Variants in RNF24 observed in about 807,000 individuals in gnomAD.
RNF24 encodes the protein ring finger protein 24.
RNF24 carries 14 observed loss-of-function variants against 20.0 expected under a neutral mutation model. The ratio of observed to expected loss-of-function variants is 0.70; its 90% CI spans 0.46 to 1.10. RNF24 has a LOEUF of 1.10. RNF24 is among the 50% of genes least tolerant of loss of function. RNF24 has a pLI of 0.00. For missense variants in RNF24, 124 were observed against 177.6 expected (o/e 0.70, Z 1.71); for synonymous variants, 45 against 61.1 (o/e 0.74, Z 1.23).
Position 3,932,932 on chromosome 20 carries a change from T to C in RNF24, c.*1131A>G, listed in dbSNP as rs2090841717. ...CTTTCAGTTTCGGAAGTCCAAATAC[T>C]GAGGCACACACCAACGGTGGACAGC... On this transcript the variant is annotated 3_prime_UTR_variant, in exon 6 of 6. Coordinates refer to ENST00000358395, the MANE Select transcript of RNF24 (RefSeq NM_001134337.3). 1 of 398,608 alleles carries C rather than the reference T, an allele frequency of 2.5e-6. No individual in the cohort carries two copies. Among genetic ancestry groups the C allele is most frequent in the East Asian group, 3.6e-5 (1 of 28,076 alleles). The allele number at this position is 398,608 out of a possible 1,614,324, so 24.7% of individuals were successfully genotyped here.
At chr20:3,982,103 GTCTCTCTCTCTCTCTCTC>G (rs34868373) in intron 1 of RNF24, among the ~76,000 whole-genome samples, 1 of 137,026 alleles carries the variant, frequency 7.3e-6, no homozygotes, top group Non-Finnish European at 1.6e-5. Flanking sequence ...GTGAGACCTC[GTCTCTCTCTCTCTCTCTC>G]TCTCTCTCTC....
intron 1 of RNF24, among the ~76,000 whole-genome samples, chr20:3,999,047 T>G (rs1981163362): frequency 6.6e-6 from 1 of 152,068 alleles, no homozygotes; most frequent in Non-Finnish European, 1.5e-5. Flanking sequence ...GCCACTGCAC[T>G]CAGGCCTGGG....
intron 1 of RNF24, 140 bp from the exon 2 acceptor site, chr20:3,964,164 A>G: frequency 3.3e-6 from 2 of 606,816 alleles, no homozygotes; most frequent in Admixed American, 7.2e-5. Flanking sequence ...CTTGCCATTC[A>G]TTCATTCATT....
chr20:3,982,589 A>C (rs1979517322), intron 1 of RNF24, among the ~76,000 whole-genome samples: 1 of 148,592 alleles, frequency 6.7e-6, no homozygotes, highest in South Asian at 2.1e-4. Flanking sequence ...AAAAAAAAAA[A>C]AAAAAAAGAG....
At chr20:3,968,073 A>T (rs1218099481) in intron 1 of RNF24, among the ~76,000 whole-genome samples, 1 of 151,560 alleles carries the variant, frequency 6.6e-6, no homozygotes. Flanking sequence ...TGGGAGGCCC[A>T]GGTGGGCAGA....
At chr20:4,010,356 G>C (rs1982364405) in intron 1 of RNF24, among the ~76,000 whole-genome samples, 1 of 152,214 alleles carries the variant, frequency 6.6e-6, no homozygotes, top group Admixed American at 6.5e-5. Flanking sequence ...CTAGGTGACA[G>C]AGTGAGACTC....
Position 3,930,214 on chromosome 20 carries a change from A to G in RNF24, c.*3849T>C, listed in dbSNP as rs3746666. 18,487 of 152,278 alleles carry G rather than the reference A, an allele frequency of 0.12. 1,450 individuals are homozygous for G. The highest frequency in any genetic ancestry group is 0.17 in the Non-Finnish European group (11,895 of 68,020). The allele number at this position is 152,278 out of a possible 1,614,324, so 9.4% of individuals were successfully genotyped here. On this transcript the variant is annotated 3_prime_UTR_variant, in exon 6 of 6. Transcript: ENST00000358395. ...CATGAATGGATTACCTATTCAAAAC[A>G]TTAAGAAAGAAATATTCAGCACTGA... is the stretch of plus-strand genomic sequence containing the variant.
intron 2 of RNF24, among the ~76,000 whole-genome samples, chr20:3,953,037 T>C (rs1036909247): frequency 6.6e-6 from 1 of 152,240 alleles, no homozygotes; most frequent in African/African-American, 2.4e-5. Context: ...AAGTATTTGT[T>C]CCACTTTTAT....
intron 1 of RNF24, among the ~76,000 whole-genome samples, chr20:3,965,513 T>C (rs978355198): frequency 1.3e-5 from 2 of 152,254 alleles, no homozygotes; most frequent in African/African-American, 2.4e-5. Context: ...ATTTTGAACC[T>C]TTGGCCATTT....
At chr20:4,010,942 C>T (rs1368289118) in intron 1 of RNF24, among the ~76,000 whole-genome samples, 1 of 152,140 alleles carries the variant, frequency 6.6e-6, no homozygotes, top group African/African-American at 2.4e-5. Context: ...AACAAAGACC[C>T]CACTGCTTGA....
At chr20:3,937,375 T>C (rs944681923) in intron 4 of RNF24, among the ~76,000 whole-genome samples, 1 of 152,230 alleles carries the variant, frequency 6.6e-6, no homozygotes, top group Non-Finnish European at 1.5e-5. Flanking sequence ...AAATAAACTT[T>C]TGTTTCCAGT....
Position 3,928,018 on chromosome 20 carries a change from C to T in RNF24, c.*6045G>A, listed in dbSNP as rs1231397124. On this transcript the variant is annotated 3_prime_UTR_variant, in exon 6 of 6. Coordinates refer to ENST00000358395, the MANE Select transcript of RNF24 (RefSeq NM_001134337.3). ...AGCCCCTCTTTTTCTTCTGATATCCCCACTCAAATGGAAGCACACTCCCCA... is the reference window on the plus strand; with the variant it reads ...AGCCCCTCTTTTTCTTCTGATATCCTCACTCAAATGGAAGCACACTCCCCA... 6.6e-6 allele frequency: 1 copy of T among 152,132 alleles called. No individual in the cohort carries two copies. The highest frequency in any genetic ancestry group is 1.5e-5 in the Non-Finnish European group (1 of 68,028). The allele number at this position is 152,132 out of a possible 1,614,324, so 9.4% of individuals were successfully genotyped here. A position where few individuals can be genotyped will look rare whatever the true frequency, so the allele number is the denominator to read the frequency against.
At chr20:3,993,878 G>A (rs1285815652) in intron 1 of RNF24, among the ~76,000 whole-genome samples, 1 of 152,170 alleles carries the variant, frequency 6.6e-6, no homozygotes, top group Non-Finnish European at 1.5e-5. Context: ...AGTTGCAAGA[G>A]TTCCCAAATA....
rs1264050257 is a variant in RNF24, at chr20:3,934,844, C to T, written c.308+150G>A. 6.4e-6 allele frequency: 4 copies of T among 628,648 alleles called. No homozygotes were observed. The highest frequency in any genetic ancestry group is 2.9e-5 in the East Asian group (1 of 34,692). The allele number at this position is 628,648 out of a possible 1,614,324, so 38.9% of individuals were successfully genotyped here. A position where few individuals can be genotyped will look rare whatever the true frequency, so the allele number is the denominator to read the frequency against. On this transcript the variant is annotated intron_variant, in intron 5 of 5. Transcript: ENST00000358395. This position sits in a 1 kb window ranked among gnomAD's most constrained non-coding sequence, Gnocchi z 4.0. ...TCCTAATGTCACGCACACACACACA[C>T]ATCCCACCTGTAGGGTGCTGTCAGC...
intron 1 of RNF24, among the ~76,000 whole-genome samples, chr20:3,992,434 G>T (rs952492204): frequency 6.6e-6 from 1 of 152,028 alleles, no homozygotes; most frequent in African/African-American, 2.4e-5. Flanking sequence ...AACTTTAGAT[G>T]TAAGTTTGTA....
Position 3,935,075 on chromosome 20 carries a change from TG to T in RNF24, c.229-3del. On this transcript the variant is annotated splice_polypyrimidine_tract_variant and splice_region_variant and intron_variant, in intron 4 of 5. Coordinates refer to ENST00000358395, the MANE Select transcript of RNF24 (RefSeq NM_001134337.3). ...GTCTTCTAGGCACACTGCACAGAGC[TG>T]AAAGACAAATGCACAAATGAAGCCA... 1 of 1,613,564 alleles carries T rather than the reference TG, an allele frequency of 6.2e-7. No individual in the cohort carries two copies. The highest frequency in any genetic ancestry group is 8.5e-7 in the Non-Finnish European group (1 of 1,179,656).
intron 1 of RNF24, among the ~76,000 whole-genome samples, chr20:3,991,691 CA>C (rs1441719711): frequency 1.3e-5 from 2 of 152,064 alleles, no homozygotes; most frequent in Admixed American, 6.6e-5. Context: ...AAAATTATCA[CA>C]AGGATAATTA....
At chr20:3,983,940 CAAAAAAAAAAAA>C (rs56680870) in intron 1 of RNF24, among the ~76,000 whole-genome samples, 14 of 65,674 alleles carry the variant, frequency 2.1e-4, no homozygotes, top group African/African-American at 6.8e-4. Context: ...GACTTGGTCT[CAAAAAAAAAAAA>C]AAAAAAAAAA....
chr20:4,012,414 C>G (rs1397601483), intron 1 of RNF24, among the ~76,000 whole-genome samples: 1 of 143,906 alleles, frequency 6.9e-6, no homozygotes, highest in East Asian at 2.0e-4. Context: ...GAGACTCCAT[C>G]TCAAAAAAAA....
Sources: gnomAD v4.1 joint callset for allele counts (sites outside exome capture counted in the v4.1 genomes callset) on GRCh38, gnomAD v4.1.1 for gene constraint, Gnocchi (gnomAD v3.1) non-coding constraint, MANE v1.5 for transcripts, NCBI Gene and HGNC (gene_info 2026-07-23, HGNC 2026-07-21) for gene names.